Variants in LRRTM4 observed in about 807,000 individuals in gnomAD.
LRRTM4 encodes the protein leucine-rich repeat transmembrane neuronal protein 4.
A neutral mutation model predicts 47.6 loss-of-function variants in LRRTM4; 25 were observed. The ratio of observed to expected loss-of-function variants is 0.53; its 90% CI spans 0.38 to 0.73. LRRTM4 has a LOEUF of 0.73. Among genes scored for constraint, LRRTM4 ranks in the 30% least tolerant of loss-of-function variants. The pLI, the probability that LRRTM4 is intolerant of heterozygous loss-of-function variation, is 0.00. For synonymous variants in LRRTM4, 311 were observed against 269.5 expected (o/e 1.15, Z -1.51); for missense variants, 638 against 713.4 (o/e 0.89, Z 1.20).
intron 3 of LRRTM4, among the ~76,000 whole-genome samples, chr2:77,406,848 A>T (rs142766985): frequency 5.6e-4 from 85 of 152,270 alleles, no homozygotes; most frequent in Non-Finnish European, 8.4e-4. Flanking sequence ...GGAATACAGT[A>T]ATCTTGTACC....
intron 3 of LRRTM4, among the ~76,000 whole-genome samples, chr2:77,495,860 C>A (rs1270457702): frequency 1.3e-5 from 2 of 151,894 alleles, no homozygotes; most frequent in Non-Finnish European, 2.9e-5. Context: ...TATTATAGGT[C>A]TTTTGCATTT....
intron 3 of LRRTM4, among the ~76,000 whole-genome samples, chr2:77,022,173 G>A (rs183431139): frequency 1.2e-4 from 19 of 152,260 alleles, no homozygotes; most frequent in African/African-American, 4.6e-4. Context: ...AGATGCAAAA[G>A]AGAAAACCCC....
intron 3 of LRRTM4, among the ~76,000 whole-genome samples, chr2:77,221,511 A>T (rs1056364439): frequency 1.2e-4 from 18 of 152,304 alleles, no homozygotes; most frequent in African/African-American, 4.3e-4. Flanking sequence ...GTGGAGGAAG[A>T]TCTACCAAGC....
intron 3 of LRRTM4, among the ~76,000 whole-genome samples, chr2:77,010,043 T>C (rs1349441435): frequency 3.3e-5 from 5 of 152,020 alleles, no homozygotes; most frequent in African/African-American, 9.7e-5. Context: ...ATTTATAGTA[T>C]ACAGCATGAT....
intron 3 of LRRTM4, among the ~76,000 whole-genome samples, chr2:77,500,986 A>G (rs1678552157): frequency 6.6e-6 from 1 of 151,456 alleles, no homozygotes; most frequent in African/African-American, 2.4e-5. Flanking sequence ...TTCATTCATA[A>G]AAGTACAGAA....
chr2:77,504,681 T>A (rs1356490296), intron 3 of LRRTM4, among the ~76,000 whole-genome samples: 1 of 151,588 alleles, frequency 6.6e-6, no homozygotes, highest in Admixed American at 6.6e-5. Flanking sequence ...ACAATTTTAT[T>A]CTGTTTATAA....
intron 3 of LRRTM4, among the ~76,000 whole-genome samples, chr2:77,055,516 C>T (rs1456446350): frequency 1.3e-5 from 2 of 152,174 alleles, no homozygotes; most frequent in Non-Finnish European, 2.9e-5. Context: ...GTTAGAATGG[C>T]AATCATTAAA....
intron 3 of LRRTM4, chr2:76,987,495 G>C (rs1229359021): frequency 1.3e-5 from 2 of 151,868 alleles, no homozygotes. Flanking sequence ...AAGAAGACAT[G>C]TGAGTTTCTA....
chr2:77,384,540 A>G, intron 3 of LRRTM4, among the ~76,000 whole-genome samples: 1 of 151,952 alleles, frequency 6.6e-6, no homozygotes, highest in East Asian at 1.9e-4. Flanking sequence ...TATTACTAAT[A>G]GCAATAGACA....
intron 3 of LRRTM4, among the ~76,000 whole-genome samples, chr2:77,273,716 C>A (rs1676265552): frequency 6.6e-6 from 1 of 152,070 alleles, no homozygotes; most frequent in South Asian, 2.1e-4. Flanking sequence ...ATCAGCAGTA[C>A]AAATTTTAAA....
chr2:77,518,594 A>C lies in LRRTM4; in HGVS notation c.1275T>G (p.Ile425Met), dbSNP rs1344532474. Reference protein sequence around the residue: ...QEYEHVSFHKIIAGSVALFLS... With the variant: ...QEYEHVSFHKMIAGSVALFLS... ...GAAAGAGAGCCACACTCCCGGCAAT[A>C]ATTTTGTGAAATGAAACATGCTCAT... The change falls in exon 3 of 4, where the codon ATT becomes ATG. Residue 425 changes from isoleucine (I) to methionine (M), a missense_variant. Coordinates refer to ENST00000409884, the MANE Select transcript of LRRTM4 (RefSeq NM_001134745.3). 1 of 1,613,436 alleles carries C rather than the reference A, an allele frequency of 6.2e-7. No homozygotes were observed. The highest frequency in any genetic ancestry group is 8.5e-7 in the Non-Finnish European group (1 of 1,179,660).
chr2:77,357,867 AT>A (rs1212668444), intron 3 of LRRTM4, among the ~76,000 whole-genome samples: 1 of 152,180 alleles, frequency 6.6e-6, no homozygotes, highest in Non-Finnish European at 1.5e-5. Context: ...TGGGTAAAAA[AT>A]AATAGAAAAA....
intron 3 of LRRTM4, among the ~76,000 whole-genome samples, chr2:77,312,700 A>T (rs1321772255): frequency 6.6e-6 from 1 of 152,174 alleles, no homozygotes; most frequent in African/African-American, 2.4e-5. Flanking sequence ...TCTTTCCTAA[A>T]ATCTTTTCTA....
At chr2:77,052,150 CTTTTTTTTTTTTT>C (rs70939841) in intron 3 of LRRTM4, among the ~76,000 whole-genome samples, 8 of 63,598 alleles carry the variant, frequency 1.3e-4, no homozygotes, top group African/African-American at 5.5e-4. Flanking sequence ...GTTACATTTC[CTTTTTTTTTTTTT>C]TTTTTTTTTT....
chr2:77,104,715 A>G (rs372265141), intron 3 of LRRTM4, among the ~76,000 whole-genome samples: 4 of 152,158 alleles, frequency 2.6e-5, no homozygotes, highest in East Asian at 1.9e-4. Context: ...GGTGGCGCCA[A>G]TTTGAGGACA....
intron 3 of LRRTM4, chr2:77,009,411 C>T (rs372654394): frequency 4.6e-5 from 7 of 152,176 alleles, no homozygotes; most frequent in Non-Finnish European, 8.8e-5. Flanking sequence ...ATTTCAAAAG[C>T]GATTACAAGC....
chr2:76,907,601 C>T (rs1413723324), intron 3 of LRRTM4, among the ~76,000 whole-genome samples: 2 of 135,996 alleles, frequency 1.5e-5, no homozygotes, highest in Non-Finnish European at 3.1e-5. Context: ...ACTAGCAAGA[C>T]TAATAAAGAA....
chr2:77,408,106 T>A (rs759738264), intron 3 of LRRTM4, among the ~76,000 whole-genome samples: 2 of 152,172 alleles, frequency 1.3e-5, no homozygotes, highest in African/African-American at 2.4e-5. Flanking sequence ...TAAGAAAATA[T>A]TAACTCTTCA....
intron 3 of LRRTM4, among the ~76,000 whole-genome samples, chr2:77,011,796 C>T (rs1054968563): frequency 4.6e-5 from 7 of 151,880 alleles, no homozygotes; most frequent in South Asian, 2.1e-4. Context: ...TTATCTGAGT[C>T]GTTTCTCCCT....
Sources: allele counts gnomAD v4.1 joint callset (sites outside exome capture counted in the v4.1 genomes callset), GRCh38; gene constraint gnomAD v4.1.1; transcripts MANE v1.5; gene names NCBI Gene and HGNC (gene_info 2026-07-23, HGNC 2026-07-21).